The following GSE1 variants were observed in gnomAD, a reference collection of about 807,000 sequenced individuals.
The protein encoded by GSE1 is genetic suppressor element 1.
GSE1 carries 32 observed loss-of-function variants against 112.6 expected under a neutral mutation model. The ratio of observed to expected loss-of-function variants is 0.28; its 90% confidence interval spans 0.21 to 0.38. The LOEUF is 0.38. Among genes scored for constraint, GSE1 ranks in the 10% least tolerant of loss-of-function variants. The pLI, the probability that GSE1 is intolerant of heterozygous loss-of-function variation, is 1.00. For synonymous variants in GSE1, 1,115 were observed against 735.6 expected, an observed-to-expected ratio of 1.52 and a Z score of -8.35; for missense variants, 2,348 against 1,699.2, an observed-to-expected ratio of 1.38 and a Z score of -6.71.
chr16:85,615,973 C>T lies in GSE1; in HGVS notation c.7+2575C>T, dbSNP rs138606076. ...AGCAGGAAGCCTCCTCCGATGGCCC[C>T]GATGAGCCCTCCCCTCCAGCAGTCA... On this transcript the variant is annotated intron_variant, in intron 1 of 15. Transcript: ENST00000253458. 5.8e-3 allele frequency among the ~76,000 whole-genome samples: 882 copies of T among 152,332 alleles called. 11 individuals carry two copies. Among genetic ancestry groups the T allele is most frequent in the African/African-American group, 0.02 (836 of 41,576 alleles).
At chr16:85,394,220 C>A (rs2047916010) in intron 2 of GSE1, among the ~76,000 whole-genome samples, 1 of 152,024 alleles carries the variant, frequency 6.6e-6, no homozygotes. Context: ...CAGCCGGGGG[C>A]CGGGGAGCGA....
chr16:85,660,146 G>A (rs536245649), intron 8 of GSE1, among the ~76,000 whole-genome samples: 1 of 152,360 alleles, frequency 6.6e-6, no homozygotes, highest in South Asian at 2.1e-4. Context: ...TGGTGGCAGG[G>A]CCACAGCCCA....
At chr16:85,255,762 C>T (rs917485423) in intron 1 of GSE1, among the ~76,000 whole-genome samples, 1 of 151,442 alleles carries the variant, frequency 6.6e-6, no homozygotes, top group African/African-American at 2.4e-5. Context: ...GATCTCGGCT[C>T]ACTGTAGCCT....
chr16:85,570,251 A>G (rs950284325), intron 1 of GSE1, among the ~76,000 whole-genome samples: 5 of 151,998 alleles, frequency 3.3e-5, no homozygotes, highest in Non-Finnish European at 7.4e-5. Context: ...TTGGTGCTGG[A>G]GGAGGTCCTC....
chr16:85,478,916 TTTC>T, intron 2 of GSE1, among the ~76,000 whole-genome samples: 1 of 58,396 alleles, frequency 1.7e-5, no homozygotes, highest in African/African-American at 1.1e-4. Flanking sequence ...TCTTTCTTTC[TTTC>T]TTTCTTTCTC....
intron 2 of GSE1, among the ~76,000 whole-genome samples, chr16:85,492,839 A>G (rs892515510): frequency 3.3e-5 from 5 of 152,034 alleles, no homozygotes; most frequent in Non-Finnish European, 5.9e-5. Context: ...TGTTCATCCT[A>G]GGAGTATTTG....
chr16:85,629,789 G>C (rs754000931), intron 1 of GSE1, among the ~76,000 whole-genome samples: 2 of 152,350 alleles, frequency 1.3e-5, no homozygotes, highest in African/African-American at 4.8e-5. Flanking sequence ...TGTGCAGATA[G>C]TTTCACTTCT....
chr16:85,307,298 T>C (rs2045706423), intron 1 of GSE1, among the ~76,000 whole-genome samples: 1 of 152,230 alleles, frequency 6.6e-6, no homozygotes, highest in African/African-American at 2.4e-5. Flanking sequence ...TTCTTTTCTA[T>C]GTTCTCTCTG....
At position 85,311,522 on chromosome 16, in the gene GSE1, A is replaced by G. The variant is rs2045847499; in HGVS notation, c.2284-45941A>G. Among the ~76,000 whole-genome samples the G allele has an allele frequency of 6.6e-6, 1 of 151,996 alleles. No homozygotes were observed. Among genetic ancestry groups the G allele is most frequent in the East Asian group, 1.9e-4 (1 of 5,162 alleles). ...CATTGGGGAGGGAGGGAGGGAGGGAAGGAGGTGCCGGGGTGCTCACCTTCC... is the reference window on the plus strand; with the variant it reads ...CATTGGGGAGGGAGGGAGGGAGGGAGGGAGGTGCCGGGGTGCTCACCTTCC... On this transcript the variant is annotated intron_variant, in intron 1 of 2. Transcript: ENST00000637419. This position sits in a 1 kb window ranked among gnomAD's most constrained non-coding sequence, Gnocchi z 4.2.
At chr16:85,478,841 TTCTTTCTTTCTTTCTTTC>T (rs1172822552) in intron 2 of GSE1, among the ~76,000 whole-genome samples, 408 of 12,670 alleles carry the variant, frequency 0.032, 10 homozygotes, top group Admixed American at 0.057. Flanking sequence ...CTCATTTATT[TTCTTTCTTTCTTTCTTTC>T]TTTCTTTCTT....
chr16:85,574,168 C>T (rs1183440686), intron 1 of GSE1, among the ~76,000 whole-genome samples: 1 of 152,188 alleles, frequency 6.6e-6, no homozygotes, highest in Non-Finnish European at 1.5e-5. Flanking sequence ...GCCCAGCGCT[C>T]TTGTGGGAGA....
At chr16:85,249,121 C>T (rs1906177741) in intron 1 of GSE1, among the ~76,000 whole-genome samples, 1 of 152,252 alleles carries the variant, frequency 6.6e-6, no homozygotes, top group East Asian at 1.9e-4. Flanking sequence ...TTTGCTCAGT[C>T]AGCTTGAGGC....
chr16:85,420,011 G>A lies in GSE1; in HGVS notation c.2464+62368G>A, dbSNP rs553956950. Reference sequence around the variant, plus strand: ...GTCTGTGAATGCTGAGCTTGACATCGGGGCCAGGGATGCTGAACAGAACAA... The same window carrying A: ...GTCTGTGAATGCTGAGCTTGACATCAGGGCCAGGGATGCTGAACAGAACAA... On this transcript the variant is annotated intron_variant, in intron 2 of 2. Coordinates refer to the GSE1 transcript ENST00000637419. 9.8e-5 allele frequency among the ~76,000 whole-genome samples: 15 copies of A among 152,288 alleles called. No homozygotes were observed. In the South Asian group the frequency reaches 1.7e-3, roughly 17 times the overall value.
At chr16:85,615,016 C>T (rs898502279) in intron 1 of GSE1, among the ~76,000 whole-genome samples, 2 of 152,236 alleles carry the variant, frequency 1.3e-5, no homozygotes, top group South Asian at 2.1e-4. Context: ...CTCGTCCTCT[C>T]CTCTGGGATT....
At chr16:85,395,376 A>C (rs1200798690) in intron 2 of GSE1, among the ~76,000 whole-genome samples, 1 of 152,192 alleles carries the variant, frequency 6.6e-6, no homozygotes, top group Non-Finnish European at 1.5e-5. Context: ...CAGGCTCCTC[A>C]TGTGAGAAGG....
chr16:85,298,076 C>T (rs759028520), intron 1 of GSE1, among the ~76,000 whole-genome samples: 3 of 152,206 alleles, frequency 2.0e-5, no homozygotes, highest in Non-Finnish European at 2.9e-5. Context: ...TCCAGAGAGG[C>T]GAGGACACCC....
At chr16:85,264,715 T>C (rs1285112612) in intron 1 of GSE1, among the ~76,000 whole-genome samples, 1 of 152,186 alleles carries the variant, frequency 6.6e-6, no homozygotes, top group Admixed American at 6.5e-5. Context: ...ACTTCCCAGC[T>C]GCTGGTGTCC....
Position 85,277,764 on chromosome 16 carries a change from C to T in GSE1, c.2284-79699C>T, listed in dbSNP as rs540120790. 3.3e-5 allele frequency among the ~76,000 whole-genome samples: 5 copies of T among 152,324 alleles called. No individual in the cohort carries two copies. In the South Asian group the frequency reaches 6.2e-4, roughly 19 times the overall value. On this transcript the variant is annotated intron_variant, in intron 1 of 2. Transcript: ENST00000637419. ...TTCCAACAGCTGAGGCCTGCTTCTCCGTTGCCCCTGCCTTCGAGCTGTGTC... is the reference window on the plus strand; with the variant it reads ...TTCCAACAGCTGAGGCCTGCTTCTCTGTTGCCCCTGCCTTCGAGCTGTGTC...
At chr16:85,488,429 CGGGGCTCTCTGCAT>C (rs2050909032) in intron 2 of GSE1, among the ~76,000 whole-genome samples, 1 of 152,120 alleles carries the variant, frequency 6.6e-6, no homozygotes, top group Non-Finnish European at 1.5e-5. Context: ...TTACAGCCTA[CGGGGCTCTCTGCAT>C]GGCTAAGCTC....
Sources: gnomAD v4.1 joint callset for allele counts (sites outside exome capture counted in the v4.1 genomes callset) on GRCh38, gnomAD v4.1.1 for gene constraint, Gnocchi (gnomAD v3.1) non-coding constraint, MANE v1.5 for transcripts, NCBI Gene and HGNC (gene_info 2026-07-23, HGNC 2026-07-21) for gene names.